The following ERG variants were observed in gnomAD, a reference collection of about 807,000 sequenced individuals.
ERG encodes transcriptional regulator ERG.
Under a neutral mutation model 55.3 loss-of-function variants are expected in ERG, and 9 were observed. That is an observed-to-expected ratio of 0.16 (90% CI 0.10 to 0.28). The LOEUF (loss-of-function observed/expected upper bound fraction) is 0.28, where lower values mean the gene tolerates loss of function less well. ERG is among the 10% of genes least tolerant of loss of function. ERG has a pLI of 1.00. For missense variants in ERG, 434 were observed against 631.6 expected, an observed-to-expected ratio of 0.69 and a Z score of 3.35; for synonymous variants, 223 against 237.3, an observed-to-expected ratio of 0.94 and a Z score of 0.55.
At chr21:38,392,184 T>C (rs1163767525) in intron 7 of ERG, 192 bp downstream of exon 7, 1 of 683,258 alleles carries the variant, frequency 1.5e-6, no homozygotes, top group Non-Finnish European at 2.7e-6. Flanking sequence ...ATTTTTGTTA[T>C]GAAAGTCCTG....
chr21:38,554,954 T>C (rs1370060158), intron 2 of ERG, among the ~76,000 whole-genome samples: 4 of 152,082 alleles, frequency 2.6e-5, no homozygotes, highest in African/African-American at 7.2e-5. Context: ...TGAATAGTTA[T>C]ATAATTTAGG....
intron 2 of ERG, among the ~76,000 whole-genome samples, chr21:38,534,799 G>A (rs779749488): frequency 2.0e-5 from 3 of 152,112 alleles, no homozygotes; most frequent in Non-Finnish European, 2.9e-5. Context: ...ACTCACAATA[G>A]CCAAAAGGTC....
rs2060339063 is a variant in ERG, at chr21:38,628,574, A to T, written c.-150+33084T>A. Among the ~76,000 whole-genome samples the T allele has an allele frequency of 5.9e-5, 9 of 152,180 alleles. No homozygotes were observed. The South Asian group carries it at 1.9e-3, about 32-fold the overall frequency. ...CAGCTACTGCGTGGAGAAAAGAGAGAGCTGGCTGCAGTCCCCCTCCTGGGG... is the reference window on the plus strand; with the variant it reads ...CAGCTACTGCGTGGAGAAAAGAGAGTGCTGGCTGCAGTCCCCCTCCTGGGG... On this transcript the variant is annotated intron_variant, in intron 1 of 10. Transcript: ENST00000398910.
At chr21:38,511,480 G>A (rs1219568496) in intron 2 of ERG, among the ~76,000 whole-genome samples, 1 of 151,970 alleles carries the variant, frequency 6.6e-6, no homozygotes, top group Non-Finnish European at 1.5e-5. Flanking sequence ...ACATATGTAG[G>A]GATAAAAGAT....
At chr21:38,403,241 G>T (rs1418869814) in intron 4 of ERG, among the ~76,000 whole-genome samples, 5 of 152,084 alleles carry the variant, frequency 3.3e-5, no homozygotes, top group African/African-American at 1.2e-4. Flanking sequence ...CATCTTCTTG[G>T]TCGCAGGACC....
chr21:38,503,126 G>GT (rs370620555), upstream of ERG, among the ~76,000 whole-genome samples: 9 of 152,134 alleles, frequency 5.9e-5, no homozygotes, highest in African/African-American at 1.9e-4. Context: ...GAAGCTTTTT[G>GT]TTTTTTCCCC....
intron 1 of ERG, among the ~76,000 whole-genome samples, chr21:38,655,655 A>G (rs1361621531): frequency 6.6e-6 from 1 of 152,312 alleles, no homozygotes; most frequent in East Asian, 1.9e-4. Flanking sequence ...AATTCCCTTC[A>G]GGCTTATTGA....
rs1348512329 is a variant in ERG at position 38,494,411 on chromosome 21, G to A, written c.18+3952C>T. Among the ~76,000 whole-genome samples, 4 of 152,178 alleles carry A rather than the reference G, an allele frequency of 2.6e-5. No homozygotes were observed. In the East Asian group the frequency reaches 7.7e-4, roughly 29 times the overall value. On this transcript the variant is annotated intron_variant, in intron 1 of 9. Transcript: ENST00000288319. Reference sequence around the variant, plus strand: ...GGCCCTTACTCTGTGATTCTCTTATGTATCAGCTGTTAAACCAATAAATCC... The same window carrying A: ...GGCCCTTACTCTGTGATTCTCTTATATATCAGCTGTTAAACCAATAAATCC...
intron 9 of ERG, among the ~76,000 whole-genome samples, chr21:38,386,751 C>T (rs1468316294): frequency 6.6e-6 from 1 of 151,860 alleles, no homozygotes; most frequent in Non-Finnish European, 1.5e-5. Context: ...CCACCTCTAC[C>T]TTAGGACTCA....
intron 1 of ERG, chr21:38,470,850 G>C (rs1056299065): frequency 6.6e-6 from 1 of 152,214 alleles, no homozygotes; most frequent in Non-Finnish European, 1.5e-5. Flanking sequence ...TGAGTTGAAA[G>C]CAGATACTAA....
intron 2 of ERG, among the ~76,000 whole-genome samples, chr21:38,547,165 C>T (rs371224490): frequency 2.3e-4 from 35 of 152,214 alleles, no homozygotes; most frequent in African/African-American, 7.9e-4. Flanking sequence ...GCCAGGTCAC[C>T]CTAAAGTGCT....
At chr21:38,473,933 G>C (rs570310542) in intron 1 of ERG, 77 of 152,266 alleles carry the variant, frequency 5.1e-4, no homozygotes, top group African/African-American at 1.7e-3. Context: ...GTATATGTAT[G>C]TGTGTATATA....
At chr21:38,465,565 T>C (rs1010307797) in intron 1 of ERG, among the ~76,000 whole-genome samples, 1 of 152,162 alleles carries the variant, frequency 6.6e-6, no homozygotes, top group Admixed American at 6.5e-5. Flanking sequence ...TGGGTGATAA[T>C]GACCTGTCAA....
the ERG span, among the ~76,000 whole-genome samples, chr21:38,372,933 T>C: frequency 6.6e-6 from 1 of 152,276 alleles, no homozygotes; most frequent in African/African-American, 2.4e-5. Flanking sequence ...CAAAATGAAA[T>C]TGACTCCACC....
chr21:38,544,822 C>A (rs2059777638), intron 2 of ERG, among the ~76,000 whole-genome samples: 1 of 152,182 alleles, frequency 6.6e-6, no homozygotes, highest in African/African-American at 2.4e-5. Context: ...CCTGGATGCT[C>A]ATGAAGCTCT....
intron 5 of ERG, 68 bp downstream of exon 5, chr21:38,402,489 T>G: frequency 8.2e-7 from 1 of 1,222,910 alleles, no homozygotes; most frequent in Non-Finnish European, 1.2e-6. Context: ...TGGTTTCCCA[T>G]GAAAGCATGC....
chr21:38,434,773 C>A (rs1476718851), intron 2 of ERG, among the ~76,000 whole-genome samples: 1 of 152,210 alleles, frequency 6.6e-6, no homozygotes, highest in Non-Finnish European at 1.5e-5. Flanking sequence ...TGAAGAAAGT[C>A]TGCAAACTGT....
upstream of ERG, among the ~76,000 whole-genome samples, chr21:38,586,176 AATATATATAT>A (rs56413525): frequency 3.9e-5 from 5 of 128,634 alleles, no homozygotes; most frequent in African/African-American, 1.2e-4. Flanking sequence ...TATGTTTTGA[AATATATATAT>A]ATATATATAT....
intron 3 of ERG, among the ~76,000 whole-genome samples, chr21:38,415,874 G>C (rs1280966417): frequency 6.6e-6 from 1 of 152,102 alleles, no homozygotes. Context: ...GAATCCAAGT[G>C]CTGGCTGTGT....
Sources: gnomAD v4.1 joint callset for allele counts (sites outside exome capture counted in the v4.1 genomes callset) on GRCh38, gnomAD v4.1.1 for gene constraint, MANE v1.5 for transcripts, NCBI Gene and HGNC (gene_info 2026-07-23, HGNC 2026-07-21) for gene names.